The following VGLL4 variants were observed in gnomAD, a reference collection of about 807,000 sequenced individuals.
The protein encoded by VGLL4 is vestigial like family member 4, also known as transcription cofactor vestigial-like protein 4.
A neutral mutation model predicts 21.0 loss-of-function variants in VGLL4; 7 were observed. The ratio of observed to expected loss-of-function variants is 0.33; its 90% CI spans 0.19 to 0.63. VGLL4 has a LOEUF of 0.63. VGLL4 is among the 20% of genes least tolerant of loss of function. The pLI is 0.78. For synonymous variants in VGLL4, 222 were observed against 173.2 expected, an observed-to-expected ratio of 1.28 and a Z score of -2.21; for missense variants, 394 against 425.7, an observed-to-expected ratio of 0.93 and a Z score of 0.66.
intron 2 of VGLL4, among the ~76,000 whole-genome samples, chr3:11,678,165 G>C (rs1379940038): frequency 6.6e-6 from 1 of 151,966 alleles, no homozygotes; most frequent in Non-Finnish European, 1.5e-5. Context: ...AGTGATTCTG[G>C]TGCCTCAGCC....
upstream of VGLL4, chr3:11,643,977 C>G: frequency 1.0e-6 from 1 of 990,440 alleles, no homozygotes; most frequent in Non-Finnish European, 1.2e-6. Flanking sequence ...ATGCTCACTG[C>G]GCCGCGCTGC....
intron 2 of VGLL4, among the ~76,000 whole-genome samples, chr3:11,584,524 A>C (rs1251958971): frequency 1.3e-5 from 2 of 152,212 alleles, no homozygotes; most frequent in African/African-American, 4.8e-5. Flanking sequence ...AGAACACACC[A>C]GCGAAAACAG....
At chr3:11,604,282 G>T in intron 1 of VGLL4, 2 of 682,592 alleles carry the variant, frequency 2.9e-6, no homozygotes, top group Non-Finnish European at 3.4e-6. Flanking sequence ...TGCCTCATTT[G>T]ATGGATGACG....
intron 1 of VGLL4, among the ~76,000 whole-genome samples, chr3:11,642,405 C>T (rs1283214096): frequency 1.3e-5 from 2 of 151,930 alleles, no homozygotes; most frequent in African/African-American, 4.8e-5. Flanking sequence ...TAAAAAAATA[C>T]AAGTGAATCA....
chr3:11,715,748 G>A (rs1295239247), intron 1 of VGLL4, among the ~76,000 whole-genome samples: 1 of 152,102 alleles, frequency 6.6e-6, no homozygotes, highest in East Asian at 1.9e-4. Flanking sequence ...TCCGGCTTCT[G>A]GTCACATTTT....
chr3:11,619,292 C>T (rs2437689), intron 1 of VGLL4, among the ~76,000 whole-genome samples: 88,487 of 151,972 alleles, frequency 0.58, 27,311 homozygotes, highest in Non-Finnish European at 0.71. Context: ...ATACCAATCA[C>T]GAAAAATAGA....
At chr3:11,650,059 C>T (rs1032500206) in intron 2 of VGLL4, among the ~76,000 whole-genome samples, 2 of 152,112 alleles carry the variant, frequency 1.3e-5, no homozygotes, top group African/African-American at 4.8e-5. Flanking sequence ...TCCAACTCAG[C>T]AGGACCACAG....
rs148691144 is a variant in VGLL4 at position 11,685,101 on chromosome 3, C to T, written c.64+17870G>A. 8.6e-4 allele frequency among the ~76,000 whole-genome samples: 131 copies of T among 151,982 alleles called. 1 individual carries two copies. In the South Asian group the frequency reaches 0.018, roughly 21 times the overall value. ...TGAGGTATTTGGTTTTTTGTTCCTG[C>T]GTTAGTTTACTAAGGATGATAACCT... On this transcript the variant is annotated intron_variant, in intron 2 of 5. Transcript: ENST00000273038.
intron 2 of VGLL4, 73 bp downstream of exon 2, chr3:11,601,760 G>A: frequency 6.6e-7 from 1 of 1,504,718 alleles, no homozygotes; most frequent in Non-Finnish European, 9.1e-7. Context: ...ATCAGAATTA[G>A]CACAAAGTTG....
intron 2 of VGLL4, among the ~76,000 whole-genome samples, chr3:11,596,724 G>A (rs1227684592): frequency 1.3e-5 from 2 of 152,188 alleles, no homozygotes; most frequent in Non-Finnish European, 2.9e-5. Context: ...AGCTTGAAAT[G>A]TGACTCCTGC....
intron 1 of VGLL4, among the ~76,000 whole-genome samples, chr3:11,637,754 A>G (rs1329394142): frequency 6.7e-6 from 1 of 149,376 alleles, no homozygotes; most frequent in African/African-American, 2.4e-5. Context: ...AAATGAAGAA[A>G]GCAAAATCAT....
Position 11,564,851 on chromosome 3 carries a change from G to C in VGLL4, c.441C>G (p.Asp147Glu), listed in dbSNP as rs754575118. The C allele has an allele frequency of 6.2e-7, 1 of 1,605,696 alleles. No homozygotes were observed. The highest frequency in any genetic ancestry group is 2.2e-5 in the East Asian group (1 of 44,628). Reference protein sequence around the residue: ...QPLALTKNSLDASRPAGLSPT... With the variant: ...QPLALTKNSLEASRPAGLSPT... ...GCGAGAGGCCGGCTGGCCTGCTGGCGTCCAGGCTGTTCTTGGTCAGTGCGA... is the reference window on the plus strand; with the variant it reads ...GCGAGAGGCCGGCTGGCCTGCTGGCCTCCAGGCTGTTCTTGGTCAGTGCGA... The change falls in exon 3 of 5, where the codon GAC becomes GAG. Residue 147 changes from aspartate to glutamate, a missense_variant. Transcript: ENST00000430365.
At chr3:11,571,319 C>T (rs1227094542) in intron 2 of VGLL4, among the ~76,000 whole-genome samples, 4 of 152,150 alleles carry the variant, frequency 2.6e-5, no homozygotes, top group Admixed American at 6.5e-5. Flanking sequence ...GAATGAAACC[C>T]GAGTGCGAAT....
rs112805465 is a variant in VGLL4 at position 11,628,546 on chromosome 3, C to A, written c.82+14891G>T. ...TAAAAATTAATCAATCTCGGCCGGG[C>A]GCGGTGGCTCACGCCTGTAATCCCA... On this transcript the variant is annotated intron_variant, in intron 1 of 4. Transcript: ENST00000430365. Among the ~76,000 whole-genome samples the A allele has an allele frequency of 9.4e-3, 1,431 of 152,200 alleles. 12 individuals are homozygous for A. Among genetic ancestry groups the A allele is most frequent in the East Asian group, 0.026 (135 of 5,176 alleles).
chr3:11,682,909 G>C (rs1011919577), intron 2 of VGLL4, among the ~76,000 whole-genome samples: 1 of 152,066 alleles, frequency 6.6e-6, no homozygotes, highest in African/African-American at 2.4e-5. Context: ...GGGAAGCAGA[G>C]GTTTCCTGCA....
At chr3:11,654,666 C>T (rs2075930085) in intron 2 of VGLL4, among the ~76,000 whole-genome samples, 1 of 152,184 alleles carries the variant, frequency 6.6e-6, no homozygotes, top group Non-Finnish European at 1.5e-5. Context: ...ATCCACCTTC[C>T]TCATCACACG....
intron 2 of VGLL4, among the ~76,000 whole-genome samples, chr3:11,679,456 G>A (rs902630008): frequency 4.6e-5 from 7 of 152,124 alleles, no homozygotes; most frequent in African/African-American, 1.2e-4. Flanking sequence ...AGGCCGAGGC[G>A]GGCGGATCAT....
chr3:11,630,586 C>T (rs1356107485), intron 1 of VGLL4, among the ~76,000 whole-genome samples: 2 of 152,062 alleles, frequency 1.3e-5, no homozygotes, highest in African/African-American at 4.8e-5. Context: ...GCGGAGGTTG[C>T]AGTGAGCCAA....
At position 11,643,722 on chromosome 3, in the gene VGLL4, G is replaced by A. The variant is rs190466275; in HGVS notation, c.-204C>T. The A allele has an allele frequency of 6.9e-5, 97 of 1,405,158 alleles. No homozygotes were observed. The African/African-American group carries it at 1.1e-3, about 16-fold the overall frequency. The allele number at this position is 1,405,158 out of a possible 1,614,324, so 87.0% of individuals were successfully genotyped here. On this transcript the variant is annotated 5_prime_UTR_variant, in exon 1 of 5. Coordinates refer to ENST00000430365, the MANE Select transcript of VGLL4 (RefSeq NM_001128219.3). ...ATCGAGCTCACACGAAACCCTTCAA[G>A]GGCTTACTGGTAGACGGTGTATGTA...
Sources: gnomAD v4.1 joint callset for allele counts (sites outside exome capture counted in the v4.1 genomes callset) on GRCh38, gnomAD v4.1.1 for gene constraint, MANE v1.5 for transcripts, NCBI Gene and HGNC (gene_info 2026-07-23, HGNC 2026-07-21) for gene names.